ARB2A: variants seen among roughly 807,000 people sequenced by gnomAD.
The protein encoded by ARB2A is ARB2 cotranscriptional regulator A, also known as cotranscriptional regulator ARB2A.
At chr5:93,835,439 T>C in the ARB2A span, among the ~76,000 whole-genome samples, 1 of 152,218 alleles carries the variant, frequency 6.6e-6, no homozygotes, top group Non-Finnish European at 1.5e-5. Context: ...GCTACAAAGT[T>C]ATAAAAAGTA....
chr5:93,997,314 T>C, the ARB2A span, among the ~76,000 whole-genome samples: 1 of 152,050 alleles, frequency 6.6e-6, no homozygotes, highest in African/African-American at 2.4e-5. Context: ...GTCCAGTCTA[T>C]GTCAGTAGAT....
chr5:93,699,854 G>C, the ARB2A span, among the ~76,000 whole-genome samples: 5 of 151,656 alleles, frequency 3.3e-5, no homozygotes, highest in African/African-American at 1.2e-4. Context: ...GATGAGATCA[G>C]AACAGAGGCC....
the ARB2A span, among the ~76,000 whole-genome samples, chr5:93,755,263 T>C: frequency 6.1e-3 from 935 of 152,268 alleles, 4 homozygotes; most frequent in Non-Finnish European, 0.011. Context: ...ATAAAATAAA[T>C]ATAGATCCTA....
chr5:93,754,724 G>A, the ARB2A span, among the ~76,000 whole-genome samples: 1 of 152,118 alleles, frequency 6.6e-6, no homozygotes, highest in Non-Finnish European at 1.5e-5. Context: ...CTATTTTGGG[G>A]GAGCAGCACA....
chr5:93,704,381 C>CT, the ARB2A span, among the ~76,000 whole-genome samples: 6 of 152,130 alleles, frequency 3.9e-5, no homozygotes, highest in Admixed American at 3.9e-4. Flanking sequence ...TAGGGAGACT[C>CT]TGTCTCTACA....
At chr5:93,995,440 C>T in the ARB2A span, among the ~76,000 whole-genome samples, 1 of 152,162 alleles carries the variant, frequency 6.6e-6, no homozygotes, top group Non-Finnish European at 1.5e-5. Context: ...GAAGTCATAA[C>T]ATTACAAGAA....
At chr5:93,853,020 G>A in the ARB2A span, among the ~76,000 whole-genome samples, 1 of 152,120 alleles carries the variant, frequency 6.6e-6, no homozygotes, top group South Asian at 2.1e-4. Flanking sequence ...TGATGGGGAT[G>A]GCATTGGATC....
the ARB2A span, among the ~76,000 whole-genome samples, chr5:93,804,274 T>G: frequency 6.6e-6 from 1 of 151,910 alleles, no homozygotes; most frequent in African/African-American, 2.4e-5. Context: ...GATAAATAAC[T>G]TCAAAGAAAG....
chr5:93,801,280 G>C, the ARB2A span, among the ~76,000 whole-genome samples: 4 of 152,104 alleles, frequency 2.6e-5, no homozygotes, highest in Non-Finnish European at 5.9e-5. Flanking sequence ...ATTTATTTGT[G>C]AGAACCAATA....
chr5:93,741,610 C>A, the ARB2A span: 1 of 1,453,616 alleles, frequency 6.9e-7, no homozygotes. Context: ...TGATGGCCCT[C>A]GAGGCTTCAG....
chr5:93,741,653 C>A, the ARB2A span: 4 of 1,401,742 alleles, frequency 2.9e-6, no homozygotes, highest in Non-Finnish European at 3.8e-6. Context: ...CCCCGCCCCC[C>A]AGTGGGCGGA....
At chr5:93,870,729 G>T in the ARB2A span, among the ~76,000 whole-genome samples, 2 of 152,140 alleles carry the variant, frequency 1.3e-5, no homozygotes, top group Non-Finnish European at 2.9e-5. Context: ...TGCCACATAA[G>T]GGGGGGTGGA....
At chr5:93,729,703 T>C in the ARB2A span, among the ~76,000 whole-genome samples, 4 of 152,132 alleles carry the variant, frequency 2.6e-5, no homozygotes, top group African/African-American at 4.8e-5. Flanking sequence ...ATTAGCAATA[T>C]AAAATGTCTA....
At chr5:93,868,212 T>A in the ARB2A span, among the ~76,000 whole-genome samples, 1 of 152,016 alleles carries the variant, frequency 6.6e-6, no homozygotes, top group East Asian at 1.9e-4. Flanking sequence ...TCCCAGCTAC[T>A]TGGGAGGCTG....
the ARB2A span, chr5:93,861,973 GAAGT>G: frequency 6.6e-6 from 1 of 152,100 alleles, no homozygotes; most frequent in Non-Finnish European, 1.5e-5. Flanking sequence ...ATTCTATTTA[GAAGT>G]AATAGAGAAC....
At chr5:93,702,534 A>G in the ARB2A span, among the ~76,000 whole-genome samples, 2 of 152,142 alleles carry the variant, frequency 1.3e-5, no homozygotes, top group Admixed American at 1.3e-4. Context: ...ATGAAAAGGA[A>G]TTTTGCTTAT....
At chr5:93,971,330 G>T in the ARB2A span, among the ~76,000 whole-genome samples, 1 of 152,062 alleles carries the variant, frequency 6.6e-6, no homozygotes, top group African/African-American at 2.4e-5. Context: ...AACTTTGGGA[G>T]GCCGAGGCAG....
the ARB2A span, among the ~76,000 whole-genome samples, chr5:93,831,429 T>A: frequency 6.6e-6 from 1 of 152,184 alleles, no homozygotes; most frequent in Non-Finnish European, 1.5e-5. Context: ...AGGGATCTTA[T>A]GCTCCAGGCA....
the ARB2A span, among the ~76,000 whole-genome samples, chr5:93,665,531 T>C: frequency 1.1e-4 from 17 of 152,132 alleles, no homozygotes; most frequent in South Asian, 2.1e-4. Context: ...GACAGAAACA[T>C]TGATGGCAGA....
Sources: gnomAD v4.1 joint callset for allele counts (sites outside exome capture counted in the v4.1 genomes callset) on GRCh38, gnomAD v4.1.1 for gene constraint, MANE v1.5 for transcripts, NCBI Gene and HGNC (gene_info 2026-07-23, HGNC 2026-07-21) for gene names.